KCNH8: variants seen among roughly 807,000 people sequenced by gnomAD.
KCNH8 encodes voltage-gated delayed rectifier potassium channel KCNH8.
Under a neutral mutation model 103.6 loss-of-function variants are expected in KCNH8, and 70 were observed. The observed-to-expected ratio is 0.68, with a 90% CI of 0.56 to 0.82. The LOEUF (loss-of-function observed/expected upper bound fraction) is 0.82. Among genes scored for constraint, KCNH8 ranks in the 40% least tolerant of loss-of-function variants. The probability of loss-of-function intolerance (pLI) is 0.00; values close to 1 mark genes in which losing one functional copy is unlikely to be tolerated. For synonymous variants in KCNH8, 498 were observed against 489.4 expected (o/e 1.02, Z -0.23); for missense variants, 1,217 against 1,329.9 (o/e 0.92, Z 1.32).
Position 19,212,071 on chromosome 3 carries a change from A to G in KCNH8, c.77-41583A>G, listed in dbSNP as rs1025559112. The stretch of plus-strand genomic sequence containing the variant: ...AAGATCAGGGAATGCTAGACTCATG[A>G]GCTTTATTCATGGTGTTCCTTCTCT... On this transcript the variant is annotated intron_variant, in intron 1 of 15. Coordinates refer to ENST00000328405, the MANE Select transcript of KCNH8 (RefSeq NM_144633.3). Among the ~76,000 whole-genome samples, 8 of 151,492 alleles carry G rather than the reference A, an allele frequency of 5.3e-5. 1 individual carries two copies. Among genetic ancestry groups the G allele is most frequent in the Middle Eastern group, 6.8e-3 (2 of 294 alleles).
chr3:19,402,960 A>G (rs1466301485), intron 7 of KCNH8, among the ~76,000 whole-genome samples: 1 of 151,934 alleles, frequency 6.6e-6, no homozygotes, highest in Non-Finnish European at 1.5e-5. Flanking sequence ...ATAGGAAACC[A>G]AAAGTCAGGA....
intron 1 of KCNH8, among the ~76,000 whole-genome samples, chr3:19,252,826 C>A (rs2064296484): frequency 6.6e-6 from 1 of 152,122 alleles, no homozygotes; most frequent in Non-Finnish European, 1.5e-5. Flanking sequence ...TTGTAGCATA[C>A]CTGTCATTGC....
At chr3:19,371,841 T>C (rs954894286) in intron 5 of KCNH8, among the ~76,000 whole-genome samples, 168 of 151,298 alleles carry the variant, frequency 1.1e-3, no homozygotes, top group Non-Finnish European at 2.1e-3. Context: ...GCTAGCCAGT[T>C]TTCCCAGCAC....
At chr3:19,321,990 G>C (rs1459522962) in intron 3 of KCNH8, among the ~76,000 whole-genome samples, 1 of 151,672 alleles carries the variant, frequency 6.6e-6, no homozygotes, top group East Asian at 1.9e-4. Context: ...TTTTTTGTCT[G>C]ATATAAGAAT....
At chr3:19,339,286 T>C (rs944449425) in intron 3 of KCNH8, among the ~76,000 whole-genome samples, 3 of 152,248 alleles carry the variant, frequency 2.0e-5, no homozygotes, top group Non-Finnish European at 4.4e-5. Flanking sequence ...TATTGACTGT[T>C]GTAAATATCT....
intron 11 of KCNH8, among the ~76,000 whole-genome samples, chr3:19,497,752 A>T (rs74616384): frequency 2.0e-5 from 3 of 151,990 alleles, no homozygotes; most frequent in African/African-American, 7.3e-5. Context: ...TACTTGACAG[A>T]TCCATTTATT....
rs532192169 is a variant in KCNH8 at position 19,241,437 on chromosome 3, C to T, written c.77-12217C>T. Among the ~76,000 whole-genome samples the T allele has an allele frequency of 4.6e-4, 70 of 152,122 alleles. No individual in the cohort carries two copies. In the Middle Eastern group the frequency reaches 0.01, roughly 22 times the overall value. On this transcript the variant is annotated intron_variant, in intron 1 of 15. Coordinates refer to ENST00000328405, the MANE Select transcript of KCNH8 (RefSeq NM_144633.3). The stretch of plus-strand genomic sequence containing the variant: ...GAATTGAAACCCAATTCTAAGATAC[C>T]TCATGTGTAGACTAGTGTTTTTCCA...
chr3:19,486,346 A>G (rs886452002), intron 11 of KCNH8, among the ~76,000 whole-genome samples: 3 of 152,242 alleles, frequency 2.0e-5, no homozygotes, highest in Non-Finnish European at 4.4e-5. Flanking sequence ...TGGTTAATTT[A>G]GCATTTGTTA....
chr3:19,267,082 G>T (rs1480947081), intron 2 of KCNH8, among the ~76,000 whole-genome samples: 1 of 152,024 alleles, frequency 6.6e-6, no homozygotes, highest in Non-Finnish European at 1.5e-5. Flanking sequence ...TGACATCTCT[G>T]TGCTCTGCCT....
intron 1 of KCNH8, among the ~76,000 whole-genome samples, chr3:19,195,757 C>T (rs1215109386): frequency 1.3e-5 from 2 of 151,948 alleles, no homozygotes; most frequent in Non-Finnish European, 2.9e-5. Flanking sequence ...GAGCAAGTGA[C>T]TCAAGAAAGA....
chr3:19,222,193 T>C (rs1337641152), intron 1 of KCNH8, among the ~76,000 whole-genome samples: 3 of 152,144 alleles, frequency 2.0e-5, no homozygotes, highest in Non-Finnish European at 4.4e-5. Flanking sequence ...GCAATATGAG[T>C]AGATTTTCAT....
intron 7 of KCNH8, among the ~76,000 whole-genome samples, chr3:19,422,058 G>A (rs533670724): frequency 1.8e-4 from 27 of 152,208 alleles, no homozygotes; most frequent in Admixed American, 1.4e-3. Context: ...TGGTAACTAG[G>A]TGGAGATGGA....
Position 19,490,836 on chromosome 3 carries a change from C to T in KCNH8, c.2041-19527C>T, listed in dbSNP as rs530139297. On this transcript the variant is annotated intron_variant, in intron 11 of 15. Coordinates refer to ENST00000328405, the MANE Select transcript of KCNH8 (RefSeq NM_144633.3). ...TTGGAAAACTCTGGATCACTGGGTT[C>T]CATCCACCACCAGCTATAAGAGACT... Among the ~76,000 whole-genome samples, 8 of 152,256 alleles carry T rather than the reference C, an allele frequency of 5.3e-5. No individual in the cohort carries two copies. The South Asian group carries it at 1.7e-3, about 32-fold the overall frequency.
chr3:19,229,707 T>C (rs528769071), intron 1 of KCNH8, among the ~76,000 whole-genome samples: 24 of 152,234 alleles, frequency 1.6e-4, no homozygotes, highest in Non-Finnish European at 2.5e-4. Context: ...CCACCTTATC[T>C]TGGACCTTAT....
chr3:19,501,235 T>G (rs1344929581), intron 11 of KCNH8, among the ~76,000 whole-genome samples: 2 of 152,050 alleles, frequency 1.3e-5, no homozygotes, highest in East Asian at 1.9e-4. Flanking sequence ...AGGAAGAAGT[T>G]GAATCTCTGA....
chr3:19,344,251 A>G (rs1275235216), intron 4 of KCNH8, among the ~76,000 whole-genome samples: 2 of 152,026 alleles, frequency 1.3e-5, no homozygotes, highest in Non-Finnish European at 2.9e-5. Context: ...ACCTAAACAA[A>G]TATTATCCAC....
intron 7 of KCNH8, among the ~76,000 whole-genome samples, chr3:19,402,090 T>A (rs2066621527): frequency 1.3e-5 from 2 of 151,982 alleles, no homozygotes; most frequent in Non-Finnish European, 2.9e-5. Context: ...ACTGCATCCC[T>A]GTTCGTAAAG....
chr3:19,488,553 A>G (rs1191094274), intron 11 of KCNH8, among the ~76,000 whole-genome samples: 1 of 152,192 alleles, frequency 6.6e-6, no homozygotes, highest in Non-Finnish European at 1.5e-5. Flanking sequence ...TACATACGGT[A>G]AGCCTCACAC....
At chr3:19,251,530 G>A (rs2064277757) in intron 1 of KCNH8, among the ~76,000 whole-genome samples, 2 of 152,012 alleles carry the variant, frequency 1.3e-5, no homozygotes, top group Admixed American at 1.3e-4. Flanking sequence ...TCTGCCAGCC[G>A]ATGGTGGACT....
Sources: gnomAD v4.1 joint callset for allele counts (sites outside exome capture counted in the v4.1 genomes callset) on GRCh38, gnomAD v4.1.1 for gene constraint, MANE v1.5 for transcripts, NCBI Gene and HGNC (gene_info 2026-07-23, HGNC 2026-07-21) for gene names.